Variants in HMX1 observed in about 807,000 individuals in gnomAD.
HMX1 encodes H6 family homeobox 1, also known as homeobox protein HMX1.
A neutral mutation model predicts 8.9 loss-of-function variants in HMX1; 8 were observed. The ratio of observed to expected loss-of-function variants is 0.90; its 90% CI spans 0.53 to 1.63. HMX1 has a LOEUF of 1.63. Among genes scored for constraint, HMX1 ranks in the 40% most tolerant of loss-of-function variants. The pLI, the probability that HMX1 is intolerant of heterozygous loss-of-function variation, is 0.00. For missense variants in HMX1, 621 were observed against 558.5 expected, an observed-to-expected ratio of 1.11 and a Z score of -1.13; for synonymous variants, 311 against 283.4, an observed-to-expected ratio of 1.10 and a Z score of -0.98.
In HMX1 at chr4:8,871,606, G is replaced by T. The variant is rs1198230998; in HGVS notation, c.9C>A (p.Asp3Glu). MPDELTEPGRATP... is the reference protein window; with the variant it reads MPEELTEPGRATP... ...TGGCGCGCCCGGGCTCCGTCAGCTC[G>T]TCAGGCATCGCGGCCGCGGGCTTCT... The change falls in exon 1 of 2, where the codon GAC becomes GAA. Residue 3 changes from aspartate (D) to glutamate (E), a missense_variant. Physicochemically the swap from Asp to Glu is conservative, Grantham distance 45 (BLOSUM62 2). Coordinates refer to ENST00000400677, the MANE Select transcript of HMX1 (RefSeq NM_018942.3). The surrounding 1 kb of genome is among the most constrained non-coding windows in gnomAD (Gnocchi z 4.8). 2 of 1,303,340 alleles carry T rather than the reference G, an allele frequency of 1.5e-6. No individual in the cohort carries two copies. Among genetic ancestry groups the T allele is most frequent in the South Asian group, 2.0e-5 (1 of 50,496 alleles). 80.7% of individuals were successfully genotyped at this position (1,303,340 alleles called of 1,614,324 possible).
At chr4:8,861,675 A>C (rs1721828931) in intron 1 of HMX1, among the ~76,000 whole-genome samples, 1 of 149,214 alleles carries the variant, frequency 6.7e-6, no homozygotes, top group Non-Finnish European at 1.5e-5. Flanking sequence ...GCGGTTGGCG[A>C]AACCCGAGGA....
At chr4:8,861,313 A>C (rs1236397367) in intron 1 of HMX1, among the ~76,000 whole-genome samples, 1 of 150,308 alleles carries the variant, frequency 6.7e-6, no homozygotes, top group Non-Finnish European at 1.5e-5. Flanking sequence ...GGGGCCTGGG[A>C]GGGGCGGGTC....
In HMX1 at chr4:8,852,540, C is replaced by A. The variant is rs562298030; in HGVS notation, c.395-6216G>T. On this transcript the variant is annotated intron_variant, in intron 1 of 1. Transcript: ENST00000506970. The stretch of plus-strand genomic sequence containing the variant: ...CTGCACCACGCTGCCTCACAGGAGG[C>A]TGCACACGCGGGGCCTGGGTGTGGG... Among the ~76,000 whole-genome samples the A allele has an allele frequency of 1.6e-3, 237 of 152,326 alleles. 1 individual carries two copies. The highest frequency in any genetic ancestry group is 6.8e-3 in the Middle Eastern group (2 of 294).
intron 1 of HMX1, among the ~76,000 whole-genome samples, chr4:8,860,280 C>T (rs1721755208): frequency 6.6e-6 from 1 of 152,218 alleles, no homozygotes; most frequent in South Asian, 2.1e-4. Flanking sequence ...AGTCCGGGCA[C>T]AGGCTGAGGG....
In HMX1 at chr4:8,867,604, C is replaced by T; in HGVS notation, c.*89G>A. The stretch of plus-strand genomic sequence containing the variant: ...GGCCGCAGGAGCGACCATCCCTTCC[C>T]TAACGCCCCCTGAGCCCTGCGCCTG... On this transcript the variant is annotated 3_prime_UTR_variant, in exon 2 of 2. Coordinates refer to ENST00000400677, the MANE Select transcript of HMX1 (RefSeq NM_018942.3). 2 of 1,191,892 alleles carry T rather than the reference C, an allele frequency of 1.7e-6. No homozygotes were observed. Among genetic ancestry groups the T allele is most frequent in the Non-Finnish European group, 1.0e-6 (1 of 961,958 alleles). The allele number at this position is 1,191,892 out of a possible 1,614,324, so 73.8% of individuals were successfully genotyped here.
chr4:8,855,328 C>T (rs1721578156), intron 1 of HMX1, among the ~76,000 whole-genome samples: 1 of 152,266 alleles, frequency 6.6e-6, no homozygotes, highest in African/African-American at 2.4e-5. Flanking sequence ...TGATGCCTAC[C>T]TCTGGCTGCC....
intron 1 of HMX1, among the ~76,000 whole-genome samples, chr4:8,860,016 G>C (rs1253776933): frequency 6.6e-6 from 1 of 152,234 alleles, no homozygotes; most frequent in Non-Finnish European, 1.5e-5. Flanking sequence ...ATTAGAACCG[G>C]CAGAGCCCCG....
Position 8,871,406 on chromosome 4 carries a change from T to TGTCGCCGCCGCTGTAGCC in HMX1, c.191_208dup (p.Arg64_Arg69dup), listed in dbSNP as rs999201308. 3.9e-6 allele frequency: 5 copies of TGTCGCCGCCGCTGTAGCC among 1,268,022 alleles called. No homozygotes were observed. Among genetic ancestry groups the TGTCGCCGCCGCTGTAGCC allele is most frequent in the Non-Finnish European group, 5.0e-6 (5 of 1,000,606 alleles). The allele number at this position is 1,268,022 out of a possible 1,614,324, so 78.5% of individuals were successfully genotyped here. On this transcript the variant is annotated inframe_insertion, in exon 1 of 2. Transcript: ENST00000400677. This position sits in a 1 kb window ranked among gnomAD's most constrained non-coding sequence, Gnocchi z 4.8. ...GCCGGGCCCGGTGCCCGCGAGCAACTGTCGCCGCCGCTGTAGCCGTCGCCG... is the reference window on the plus strand; with the variant it reads ...GCCGGGCCCGGTGCCCGCGAGCAACTGTCGCCGCCGCTGTAGCCGTCGCCGCCGCTGTAGCCGTCGCCG...
chr4:8,860,985 G>T (rs1721790292), intron 1 of HMX1, among the ~76,000 whole-genome samples: 1 of 149,758 alleles, frequency 6.7e-6, no homozygotes, highest in Admixed American at 6.6e-5. Context: ...GGGAGGGGGC[G>T]GGGCCGGAAC....
At chr4:8,860,839 G>A (rs1030367664) in intron 1 of HMX1, 1 of 152,422 alleles carries the variant, frequency 6.6e-6, no homozygotes, top group African/African-American at 2.4e-5. Context: ...CAGACCCCGA[G>A]GGGTAAGGGG....
chr4:8,852,502 C>T (rs772396057), intron 1 of HMX1, among the ~76,000 whole-genome samples: 19 of 152,226 alleles, frequency 1.2e-4, no homozygotes, highest in Non-Finnish European at 1.9e-4. Flanking sequence ...CTCCAATGCC[C>T]GGGCTCCCTG....
chr4:8,868,231 C>A lies in HMX1; in HGVS notation c.509G>T (p.Arg170Leu), dbSNP rs929420675. Residue 170 changes from arginine to leucine, a missense_variant, in exon 2 of 2, where the codon CGT becomes CTT. Transcript: ENST00000400677. The surrounding 1 kb of genome is among the most constrained non-coding windows in gnomAD (Gnocchi z 4.6). ...VQREAAELAA[R>L]GPAAGTEEAS... ...CTCCTCCGTGCCGGCCGCCGGGCCA[C>A]GCGCCGCCAGCTCCGCTGCCTCCCG... The A allele has an allele frequency of 1.1e-5, 16 of 1,436,128 alleles. No homozygotes were observed. The highest frequency in any genetic ancestry group is 1.3e-5 in the Non-Finnish European group (14 of 1,100,206). 89.0% of individuals were successfully genotyped at this position (1,436,128 alleles called of 1,614,324 possible).
rs1348860296 is a variant in HMX1, at chr4:8,867,301, C to T, written c.*392G>A. 8.1e-6 allele frequency: 8 copies of T among 989,826 alleles called. No homozygotes were observed. The East Asian group carries it at 4.4e-4, about 55-fold the overall frequency. 61.3% of individuals were successfully genotyped at this position (989,826 alleles called of 1,614,324 possible). A position where few individuals can be genotyped will look rare whatever the true frequency, so the allele number is the denominator to read the frequency against. ...GGGGGCAGTCTGTGGGGACAGTCAC[C>T]GCTCAGCCTTGGACAGCCGGTTCGT... is the stretch of plus-strand genomic sequence containing the variant. On this transcript the variant is annotated 3_prime_UTR_variant, in exon 2 of 2. Coordinates refer to ENST00000400677, the MANE Select transcript of HMX1 (RefSeq NM_018942.3).
chr4:8,865,260 G>A (rs1044912589), downstream of HMX1, among the ~76,000 whole-genome samples: 2 of 152,212 alleles, frequency 1.3e-5, no homozygotes, highest in African/African-American at 4.8e-5. Context: ...AGAAGCAGTC[G>A]AATAAAACAG....
intron 1 of HMX1, among the ~76,000 whole-genome samples, chr4:8,862,022 A>C (rs917820428): frequency 6.6e-6 from 1 of 152,188 alleles, no homozygotes; most frequent in Non-Finnish European, 1.5e-5. Flanking sequence ...GTCCTCCCTG[A>C]TATGTCCTCG....
At position 8,847,160 on chromosome 4, in the gene HMX1, G is replaced by T. The variant is rs886838752; in HGVS notation, c.395-836C>A. Among the ~76,000 whole-genome samples the T allele has an allele frequency of 2.6e-5, 4 of 152,130 alleles. No individual in the cohort carries two copies. Among genetic ancestry groups the T allele is most frequent in the Admixed American group, 2.6e-4 (4 of 15,278 alleles). On this transcript the variant is annotated intron_variant, in intron 1 of 1. Transcript: ENST00000506970. The surrounding 1 kb of genome is among the most constrained non-coding windows in gnomAD (Gnocchi z 6.0). The stretch of plus-strand genomic sequence containing the variant: ...AATAAAAGTACAAAGCCATTGAGCC[G>T]GGCGTGGTGAGGGATGCCTGTAATC...
intron 1 of HMX1, among the ~76,000 whole-genome samples, chr4:8,851,589 C>T (rs944790762): frequency 2.6e-5 from 4 of 152,216 alleles, no homozygotes; most frequent in South Asian, 2.1e-4. Flanking sequence ...GGCCCACTCA[C>T]GGATCACCAG....
At chr4:8,864,876 G>A (rs148678168), downstream of HMX1, among the ~76,000 whole-genome samples, 1 of 152,312 alleles carries the variant, frequency 6.6e-6, no homozygotes, top group African/African-American at 2.4e-5. Flanking sequence ...CCCATAAGAC[G>A]CTCTCCAGCC....
intron 1 of HMX1, among the ~76,000 whole-genome samples, chr4:8,850,440 T>G (rs1373271780): frequency 6.6e-6 from 1 of 152,228 alleles, no homozygotes; most frequent in South Asian, 2.1e-4. Context: ...GCACTGTCCC[T>G]TACCCTGACC....
Sources: gnomAD v4.1 joint callset for allele counts (sites outside exome capture counted in the v4.1 genomes callset) on GRCh38, gnomAD v4.1.1 for gene constraint, Gnocchi (gnomAD v3.1) non-coding constraint, MANE v1.5 for transcripts, NCBI Gene and HGNC (gene_info 2026-07-23, HGNC 2026-07-21) for gene names.